TLE1: variants seen among roughly 807,000 people sequenced by gnomAD.
TLE1 encodes transducin-like enhancer protein 1.
In TLE1, 21 loss-of-function variants were observed where a neutral mutation model predicts 89.8. The ratio of observed to expected loss-of-function variants is 0.23; its 90% CI spans 0.17 to 0.34. The LOEUF (loss-of-function observed/expected upper bound fraction) is 0.34, where lower values mean the gene tolerates loss of function less well. Ranked by LOEUF, TLE1 falls within the 10% of genes least tolerant of loss-of-function variation. TLE1 has a pLI of 1.00. For missense variants in TLE1, 795 were observed against 1,031.2 expected (o/e 0.77, Z 3.14); for synonymous variants, 447 against 407.6 (o/e 1.10, Z -1.16).
In TLE1 at chr9:81,592,033, T is replaced by C. The variant is rs186539823; in HGVS notation, c.1582-981A>G. 2.1e-3 allele frequency among the ~76,000 whole-genome samples: 323 copies of C among 152,306 alleles called. 4 individuals are homozygous for C. Among genetic ancestry groups the C allele is most frequent in the Admixed American group, 5.3e-3 (81 of 15,296 alleles). On this transcript the variant is annotated intron_variant, in intron 15 of 19. Transcript: ENST00000376499. ...CGGAGTCTGCTTAAGGCCAGTGGTA[T>C]GTGCTCTGTAAATCCTGGGGTTATG...
intron 8 of TLE1, among the ~76,000 whole-genome samples, chr9:81,631,354 C>T (rs914711101): frequency 6.6e-6 from 1 of 152,224 alleles, no homozygotes; most frequent in Non-Finnish European, 1.5e-5. Context: ...TAAAATACAT[C>T]TCTACTAGCT....
intron 4 of TLE1, among the ~76,000 whole-genome samples, chr9:81,684,971 T>C (rs1588273869): frequency 6.6e-6 from 1 of 152,332 alleles, no homozygotes; most frequent in South Asian, 2.1e-4. Context: ...TACACCATTA[T>C]AGTAGCCATA....
chr9:81,681,465 G>A (rs561940087), intron 4 of TLE1, among the ~76,000 whole-genome samples: 4 of 151,862 alleles, frequency 2.6e-5, no homozygotes, highest in Admixed American at 6.6e-5. Flanking sequence ...CAGGAGAATC[G>A]CTTGAACCTG....
At chr9:81,674,793 C>T (rs531320944) in intron 4 of TLE1, among the ~76,000 whole-genome samples, 11 of 152,044 alleles carry the variant, frequency 7.2e-5, no homozygotes, top group Admixed American at 2.0e-4. Context: ...AATACAACCA[C>T]GCCAAAAGTA....
chr9:81,647,278 T>G (rs1828974730), intron 6 of TLE1, among the ~76,000 whole-genome samples: 2 of 152,220 alleles, frequency 1.3e-5, no homozygotes. Flanking sequence ...TAACCTCTTG[T>G]GCCAACAATG....
intron 8 of TLE1, among the ~76,000 whole-genome samples, chr9:81,632,332 T>C (rs890675681): frequency 6.6e-6 from 1 of 152,074 alleles, no homozygotes; most frequent in South Asian, 2.1e-4. Context: ...TCCAGATACA[T>C]GAAATATACC....
intron 8 of TLE1, among the ~76,000 whole-genome samples, chr9:81,631,445 G>A (rs1826591563): frequency 6.6e-6 from 1 of 152,170 alleles, no homozygotes; most frequent in South Asian, 2.1e-4. Flanking sequence ...CCACAATTCT[G>A]ATACCAGTAA....
intron 4 of TLE1, 35 bp downstream of exon 4, chr9:81,685,641 G>T: frequency 6.2e-7 from 1 of 1,601,330 alleles, no homozygotes; most frequent in Non-Finnish European, 8.6e-7. Context: ...ATGAACTGAT[G>T]TCTCATTTCA....
intron 4 of TLE1, among the ~76,000 whole-genome samples, chr9:81,661,204 TTTTATATA>T (rs1218060015): frequency 5.5e-5 from 1 of 18,206 alleles, no homozygotes; most frequent in Non-Finnish European, 1.3e-4. Context: ...ATATATGTAT[TTTTATATA>T]TATATATATC....
intron 17 of TLE1, 123 bp from the exon 18 acceptor site, chr9:81,585,778 G>T: frequency 1.6e-6 from 2 of 1,257,716 alleles, no homozygotes; most frequent in Non-Finnish European, 2.2e-6. Flanking sequence ...TCCAGACTGT[G>T]GGGAGGTCCA....
chr9:81,599,929 A>G, intron 14 of TLE1: 1 of 517,608 alleles, frequency 1.9e-6, no homozygotes, highest in Non-Finnish European at 3.5e-6. Context: ...CAAATACAAA[A>G]CTTCTTAAAA....
chr9:81,615,997 G>A lies in TLE1; in HGVS notation c.903C>T (p.Ser301=), dbSNP rs766307778. ...ASSASSTSLK[S]KEMSLHEKAS... is the part of the protein sequence containing the mutation. The stretch of plus-strand genomic sequence containing the variant: ...CTTTACCTACCAAGCTCATTTCTTT[G>A]GATTTCAAAGAAGTGGAACTTGCCG... Residue 301 remains serine (S), a synonymous_variant, in exon 11 of 20, where the codon TCC becomes TCT. Coordinates refer to ENST00000376499, the MANE Select transcript of TLE1 (RefSeq NM_005077.5). The A allele has an allele frequency of 1.1e-5, 17 of 1,613,718 alleles. No individual in the cohort carries two copies. In the South Asian group the frequency reaches 1.9e-4, roughly 18 times the overall value.
At chr9:81,610,669 G>A (rs1038404718) in intron 13 of TLE1, among the ~76,000 whole-genome samples, 4 of 152,070 alleles carry the variant, frequency 2.6e-5, no homozygotes, top group Admixed American at 6.6e-5. Flanking sequence ...GTTAGGGGCC[G>A]TCCTGGGCGT....
intron 6 of TLE1, among the ~76,000 whole-genome samples, chr9:81,638,437 C>T (rs893735793): frequency 5.3e-5 from 8 of 152,128 alleles, no homozygotes; most frequent in Admixed American, 3.3e-4. Flanking sequence ...AAAAGGACAG[C>T]GCTCCTCTGT....
Position 81,687,347 on chromosome 9 carries a change from C to G in TLE1, c.112G>C (p.Ala38Pro). The part of the protein sequence containing the change: ...RIKEEFQFLQ[A>P]QYHSLKLECE... ...CCGGACACGCACCTGTGATACTGCG[C>G]CTGCAGGAACTGGAATTCCTCTTTA... The change falls in exon 2 of 20, where the codon GCG (alanine) becomes CCG (proline). Residue 38 changes from alanine to proline, a missense_variant. Coordinates refer to ENST00000376499, the MANE Select transcript of TLE1 (RefSeq NM_005077.5). 1 of 1,606,310 alleles carries G rather than the reference C, an allele frequency of 6.2e-7. No individual in the cohort carries two copies. The highest frequency in any genetic ancestry group is 8.5e-7 in the Non-Finnish European group (1 of 1,177,902).
At chr9:81,669,204 G>T (rs1274770691) in intron 4 of TLE1, among the ~76,000 whole-genome samples, 1 of 152,206 alleles carries the variant, frequency 6.6e-6, no homozygotes, top group Non-Finnish European at 1.5e-5. Context: ...GGTCATTACT[G>T]AATCATTTGA....
At chr9:81,657,828 T>A (rs1830320039) in intron 4 of TLE1, among the ~76,000 whole-genome samples, 1 of 150,746 alleles carries the variant, frequency 6.6e-6, no homozygotes, top group Non-Finnish European at 1.5e-5. Flanking sequence ...ACAATGTAAA[T>A]CCTAGGTAAA....
At chr9:81,607,353 CACAT>C (rs1169819369) in intron 14 of TLE1, among the ~76,000 whole-genome samples, 1 of 150,996 alleles carries the variant, frequency 6.6e-6, no homozygotes, top group Non-Finnish European at 1.5e-5. Context: ...CACACACACA[CACAT>C]ATAAGGAATA....
At chr9:81,612,998 C>T (rs1469668026) in intron 12 of TLE1, among the ~76,000 whole-genome samples, 1 of 152,102 alleles carries the variant, frequency 6.6e-6, no homozygotes, top group Non-Finnish European at 1.5e-5. Context: ...GCAGAGGTTG[C>T]AGTGAGCTGA....
Sources: gnomAD v4.1 joint callset for allele counts (sites outside exome capture counted in the v4.1 genomes callset) on GRCh38, gnomAD v4.1.1 for gene constraint, MANE v1.5 for transcripts, NCBI Gene and HGNC (gene_info 2026-07-23, HGNC 2026-07-21) for gene names.